CAPZB: variants seen among roughly 807,000 people sequenced by gnomAD.
CAPZB encodes capping actin protein of muscle Z-line subunit beta.
In CAPZB, 2 loss-of-function variants were observed where a neutral mutation model predicts 38.1. That is an observed-to-expected ratio of 0.05 (90% CI 0.02 to 0.17). CAPZB has a LOEUF of 0.17. Among genes scored for constraint, CAPZB ranks in the 10% least tolerant of loss-of-function variants. The pLI is 1.00. For synonymous variants in CAPZB, 107 were observed against 127.4 expected, an observed-to-expected ratio of 0.84 and a Z score of 1.08; for missense variants, 161 against 334.2, an observed-to-expected ratio of 0.48 and a Z score of 4.04.
At chr1:19,351,069 G>A (rs2093989039) in intron 6 of CAPZB, among the ~76,000 whole-genome samples, 1 of 148,650 alleles carries the variant, frequency 6.7e-6, no homozygotes, top group African/African-American at 2.5e-5. Flanking sequence ...TGCAACCTCT[G>A]CCTCCCGGGT....
chr1:19,411,976 C>T (rs2094358767), intron 2 of CAPZB, among the ~76,000 whole-genome samples: 1 of 152,230 alleles, frequency 6.6e-6, no homozygotes, highest in Admixed American at 6.5e-5. Context: ...TGGCACCCAC[C>T]GTCCAGAGCA....
intron 2 of CAPZB, among the ~76,000 whole-genome samples, chr1:19,419,347 G>C (rs910965265): frequency 6.6e-6 from 1 of 152,148 alleles, no homozygotes; most frequent in Non-Finnish European, 1.5e-5. Flanking sequence ...CTGCGGGATG[G>C]GTATGGCCTC....
intron 1 of CAPZB, among the ~76,000 whole-genome samples, chr1:19,460,691 G>GTGTAAGCCACCGCACCCGGC (rs1245448030): frequency 6.7e-6 from 1 of 149,322 alleles, no homozygotes; most frequent in Non-Finnish European, 1.5e-5. Context: ...GGGATTACAG[G>GTGTAAGCCACCGCACCCGGC]CATGAGCCAC....
At chr1:19,436,831 G>A (rs2094459715) in intron 1 of CAPZB, among the ~76,000 whole-genome samples, 1 of 152,242 alleles carries the variant, frequency 6.6e-6, no homozygotes, top group African/African-American at 2.4e-5. Context: ...GAAAGTAAAA[G>A]CATATAATCT....
At chr1:19,464,598 G>A (rs80345477) in intron 1 of CAPZB, among the ~76,000 whole-genome samples, 8,485 of 152,112 alleles carry the variant, frequency 0.056, 424 homozygotes, top group African/African-American at 0.14. Context: ...GGCCCTATCT[G>A]TGAAGATTTA....
chr1:19,363,384 G>C (rs2094065004), intron 4 of CAPZB, among the ~76,000 whole-genome samples: 1 of 150,178 alleles, frequency 6.7e-6, no homozygotes, highest in Admixed American at 6.8e-5. Flanking sequence ...CGTCACCTTG[G>C]TCCCTAAACG....
intron 1 of CAPZB, among the ~76,000 whole-genome samples, chr1:19,453,152 T>C (rs1431794528): frequency 6.6e-6 from 1 of 152,110 alleles, no homozygotes; most frequent in Non-Finnish European, 1.5e-5. Flanking sequence ...ATCGCCCAGA[T>C]TGACACCTTC....
At chr1:19,386,733 T>A (rs571116318) in intron 2 of CAPZB, among the ~76,000 whole-genome samples, 7 of 152,318 alleles carry the variant, frequency 4.6e-5, no homozygotes, top group East Asian at 3.9e-4. Flanking sequence ...CAGGGTGCTT[T>A]AGAACTCAGC....
intron 1 of CAPZB, among the ~76,000 whole-genome samples, chr1:19,428,804 C>T (rs2094432624): frequency 1.3e-5 from 2 of 152,072 alleles, no homozygotes; most frequent in South Asian, 4.1e-4. Context: ...CTGGCAGACA[C>T]AACCGAACAG....
chr1:19,483,034 G>A (rs775711623), intron 1 of CAPZB, among the ~76,000 whole-genome samples: 9 of 152,264 alleles, frequency 5.9e-5, no homozygotes, highest in Middle Eastern at 3.4e-3. Context: ...TTCTTCCAAC[G>A]CCAGGTGCTG....
At chr1:19,374,439 C>T (rs2094134711) in intron 4 of CAPZB, 1 of 152,262 alleles carries the variant, frequency 6.6e-6, no homozygotes, top group African/African-American at 2.4e-5. Flanking sequence ...CATCAGGATC[C>T]AACAATTCAG....
At chr1:19,474,501 T>C (rs187816868) in intron 1 of CAPZB, among the ~76,000 whole-genome samples, 6 of 152,264 alleles carry the variant, frequency 3.9e-5, no homozygotes, top group Admixed American at 2.0e-4. Flanking sequence ...GCCCTATTTT[T>C]CTTCCTGCAT....
rs1358882298 is a variant in CAPZB, at chr1:19,442,643, G to A, written c.4-22893C>T. Among the ~76,000 whole-genome samples the A allele has an allele frequency of 2.6e-5, 4 of 152,090 alleles. No individual in the cohort carries two copies. The South Asian group carries it at 6.2e-4, about 24-fold the overall frequency. Reference sequence around the variant, plus strand: ...GCACTCGGTCCAGGAAAGCCCTCCCGGGGCAGGGGGCCAAACGAAACCCTA... The same window carrying A: ...GCACTCGGTCCAGGAAAGCCCTCCCAGGGCAGGGGGCCAAACGAAACCCTA... On this transcript the variant is annotated intron_variant, in intron 1 of 8. Coordinates refer to ENST00000264202, the MANE Select transcript of CAPZB (RefSeq NM_004930.5).
At chr1:19,469,741 T>TAC (rs60330360) in intron 1 of CAPZB, among the ~76,000 whole-genome samples, 45,296 of 136,424 alleles carry the variant, frequency 0.33, 7,686 homozygotes, top group Non-Finnish European at 0.4. Flanking sequence ...AGGAAAAGAA[T>TAC]ACACACACAC....
At chr1:19,390,053 C>G (rs1338403584) in intron 2 of CAPZB, among the ~76,000 whole-genome samples, 1 of 152,244 alleles carries the variant, frequency 6.6e-6, no homozygotes, top group Non-Finnish European at 1.5e-5. Flanking sequence ...TCAATGCATG[C>G]TGATTCCATG....
intron 1 of CAPZB, among the ~76,000 whole-genome samples, chr1:19,441,071 C>CA (rs1351233900): frequency 1.3e-5 from 2 of 151,946 alleles, no homozygotes; most frequent in African/African-American, 4.8e-5. Flanking sequence ...AAACAAAAAA[C>CA]AAAAAACAAA....
rs1475165059 is a variant in CAPZB, at chr1:19,339,140, CAGTT to C, written c.*386_*389del. 9 of 208,914 alleles carry C rather than the reference CAGTT, an allele frequency of 4.3e-5. No individual in the cohort carries two copies. Among genetic ancestry groups the C allele is most frequent in the South Asian group, 1.5e-4 (2 of 13,176 alleles). 12.9% of individuals were successfully genotyped at this position (208,914 alleles called of 1,614,324 possible). ...TTTTTCTTCTCTCTTTCACACACCA[CAGTT>C]AGTTCATAAAATTTTTTTGTTTTAC... is the stretch of plus-strand genomic sequence containing the variant. On this transcript the variant is annotated 3_prime_UTR_variant, in exon 9 of 9. Transcript: ENST00000264202.
chr1:19,424,569 C>G (rs189840524), intron 1 of CAPZB: 2 of 152,248 alleles, frequency 1.3e-5, no homozygotes, highest in Non-Finnish European at 2.9e-5. Context: ...AGGGGTGAAC[C>G]GGCCCAGGAC....
chr1:19,464,112 G>A (rs1170950246), intron 1 of CAPZB, among the ~76,000 whole-genome samples: 2 of 151,434 alleles, frequency 1.3e-5, no homozygotes, highest in Non-Finnish European at 2.9e-5. Context: ...GCTTTAACCT[G>A]GGAGACAGAG....
Sources: allele counts gnomAD v4.1 joint callset (sites outside exome capture counted in the v4.1 genomes callset), GRCh38; gene constraint gnomAD v4.1.1; transcripts MANE v1.5; gene names NCBI Gene and HGNC (gene_info 2026-07-23, HGNC 2026-07-21).